KHDRBS2: variants seen among roughly 807,000 people sequenced by gnomAD.
The protein encoded by KHDRBS2 is KH RNA binding domain containing, signal transduction associated 2.
Under a neutral mutation model 44.3 loss-of-function variants are expected in KHDRBS2, and 26 were observed. The observed-to-expected ratio is 0.59, with a 90% CI of 0.43 to 0.81. The LOEUF (loss-of-function observed/expected upper bound fraction) is 0.81. Among genes scored for constraint, KHDRBS2 ranks in the 40% least tolerant of loss-of-function variants. The probability of loss-of-function intolerance (pLI) is 0.00; values close to 1 mark genes in which losing one functional copy is unlikely to be tolerated. For missense variants in KHDRBS2, 476 were observed against 433.1 expected (o/e 1.10, Z -0.88); for synonymous variants, 194 against 151.1 (o/e 1.28, Z -2.08).
At chr6:61,773,424 G>C (rs1310624636) in intron 6 of KHDRBS2, among the ~76,000 whole-genome samples, 2 of 152,000 alleles carry the variant, frequency 1.3e-5, no homozygotes, top group African/African-American at 4.8e-5. Context: ...TGTTTTTTTG[G>C]CTGCATAAAT....
the KHDRBS2 span, among the ~76,000 whole-genome samples, chr6:61,649,380 T>C: frequency 6.6e-6 from 1 of 152,170 alleles, no homozygotes; most frequent in Non-Finnish European, 1.5e-5. Flanking sequence ...AACAAATGCA[T>C]GTGTAAACAT....
chr6:61,794,397 A>T (rs1267695709), intron 6 of KHDRBS2, among the ~76,000 whole-genome samples: 1 of 152,156 alleles, frequency 6.6e-6, no homozygotes, highest in Non-Finnish European at 1.5e-5. Context: ...ATTATTATCA[A>T]ATAACTAGTT....
At chr6:61,909,906 G>A (rs1805734010) in intron 4 of KHDRBS2, among the ~76,000 whole-genome samples, 1 of 152,180 alleles carries the variant, frequency 6.6e-6, no homozygotes, top group Non-Finnish European at 1.5e-5. Flanking sequence ...CGCTGGTGCT[G>A]CACATTTAAA....
At chr6:62,255,605 AACACACACACACAC>A (rs60498757) in intron 1 of KHDRBS2, among the ~76,000 whole-genome samples, 4,586 of 137,484 alleles carry the variant, frequency 0.033, 84 homozygotes, top group East Asian at 0.061. Flanking sequence ...CATGCTTTAA[AACACACACACACAC>A]ACACACACAC....
chr6:61,886,473 C>T (rs1187400484), intron 6 of KHDRBS2, among the ~76,000 whole-genome samples: 1 of 151,982 alleles, frequency 6.6e-6, no homozygotes, highest in Non-Finnish European at 1.5e-5. Context: ...CTAAAACAGC[C>T]ATATAGCCAT....
chr6:61,609,177 G>A, the KHDRBS2 span, among the ~76,000 whole-genome samples: 2 of 152,120 alleles, frequency 1.3e-5, no homozygotes, highest in Non-Finnish European at 1.5e-5. Context: ...AGCCAACATG[G>A]TGAAACCCCA....
At chr6:61,932,690 C>T (rs1478095119) in intron 4 of KHDRBS2, among the ~76,000 whole-genome samples, 2 of 152,058 alleles carry the variant, frequency 1.3e-5, no homozygotes, top group Non-Finnish European at 2.9e-5. Context: ...TTCCCAGCTA[C>T]TCGGGAGGCA....
chr6:61,575,171 C>G, the KHDRBS2 span, among the ~76,000 whole-genome samples: 1 of 152,102 alleles, frequency 6.6e-6, no homozygotes, highest in Admixed American at 6.5e-5. Context: ...GCAGAGTAAA[C>G]AGACAGCCCA....
At chr6:61,584,776 A>G in the KHDRBS2 span, among the ~76,000 whole-genome samples, 1 of 151,910 alleles carries the variant, frequency 6.6e-6, no homozygotes, top group South Asian at 2.1e-4. Flanking sequence ...CAGAATCTGA[A>G]GTAGAGATTG....
intron 1 of KHDRBS2, among the ~76,000 whole-genome samples, chr6:62,283,136 G>A (rs1168634014): frequency 2.0e-5 from 3 of 152,012 alleles, no homozygotes; most frequent in Non-Finnish European, 4.4e-5. Context: ...CATTATAATC[G>A]CAGGATGAAC....
intron 3 of KHDRBS2, among the ~76,000 whole-genome samples, chr6:62,002,397 G>T (rs535179120): frequency 1.3e-3 from 201 of 151,634 alleles, no homozygotes; most frequent in African/African-American, 4.4e-3. Context: ...ATACTTTTCT[G>T]ATAAAAATAT....
intron 7 of KHDRBS2, among the ~76,000 whole-genome samples, chr6:61,702,131 C>T (rs1561990945): frequency 6.6e-6 from 1 of 151,940 alleles, no homozygotes; most frequent in Middle Eastern, 3.4e-3. Context: ...TCGTTGTTCC[C>T]CTCTACAACC....
chr6:61,747,079 A>C (rs1776978676), intron 6 of KHDRBS2, among the ~76,000 whole-genome samples: 1 of 152,140 alleles, frequency 6.6e-6, no homozygotes, highest in East Asian at 1.9e-4. Flanking sequence ...GAAGGATAAG[A>C]ACAGACATTT....
Position 61,719,885 on chromosome 6 carries a change from G to A in KHDRBS2, c.893+12797C>T, listed in dbSNP as rs931849281. Among the ~76,000 whole-genome samples, 12 of 151,862 alleles carry A rather than the reference G, an allele frequency of 7.9e-5. 1 individual carries two copies. Among genetic ancestry groups the A allele is most frequent in the South Asian group, 4.2e-4 (2 of 4,806 alleles). Reference sequence around the variant, plus strand: ...GTTGGTGTGCTGCACCCACTAACTCGTCATCTAGCATTAGGTACATCTCCC... The same window carrying A: ...GTTGGTGTGCTGCACCCACTAACTCATCATCTAGCATTAGGTACATCTCCC... On this transcript the variant is annotated intron_variant, in intron 7 of 8. Transcript: ENST00000281156.
At chr6:61,623,830 G>C in the KHDRBS2 span, among the ~76,000 whole-genome samples, 1 of 152,142 alleles carries the variant, frequency 6.6e-6, no homozygotes, top group Admixed American at 6.5e-5. Context: ...TGATATGTGG[G>C]AGTGAACTGA....
intron 7 of KHDRBS2, among the ~76,000 whole-genome samples, chr6:61,714,397 T>C (rs1771041591): frequency 6.6e-6 from 1 of 151,902 alleles, no homozygotes; most frequent in South Asian, 2.1e-4. Context: ...TAGCAGATGT[T>C]GGCAAGGATG....
chr6:61,743,224 C>T (rs1225859844), intron 6 of KHDRBS2, among the ~76,000 whole-genome samples: 3 of 152,076 alleles, frequency 2.0e-5, no homozygotes, highest in Non-Finnish European at 4.4e-5. Flanking sequence ...CCAGTAAAAG[C>T]CAGTATGTGA....
intron 4 of KHDRBS2, among the ~76,000 whole-genome samples, chr6:61,958,166 G>A (rs375019846): frequency 3.2e-4 from 48 of 152,122 alleles, no homozygotes; most frequent in African/African-American, 5.3e-4. Context: ...CCATTCTATC[G>A]TTTAACAGAA....
At chr6:61,903,476 T>A (rs1045001489) in intron 4 of KHDRBS2, among the ~76,000 whole-genome samples, 19 of 152,192 alleles carry the variant, frequency 1.2e-4, no homozygotes, top group Non-Finnish European at 2.4e-4. Context: ...GTAGATATGA[T>A]CTTATTCATT....
Sources: allele counts gnomAD v4.1 joint callset (sites outside exome capture counted in the v4.1 genomes callset), GRCh38; gene constraint gnomAD v4.1.1; transcripts MANE v1.5; gene names NCBI Gene and HGNC (gene_info 2026-07-23, HGNC 2026-07-21).